MBP: variants seen among roughly 807,000 people sequenced by gnomAD.
MBP encodes the protein myelin basic protein, also known as Golli-MBP.
In MBP, 16 loss-of-function variants were observed where a neutral mutation model predicts 35.8. That is an observed-to-expected ratio of 0.45 (90% CI 0.30 to 0.68). The LOEUF is 0.68. MBP is among the 30% of genes least tolerant of loss of function. MBP has a pLI of 0.08. For missense variants in MBP, 380 were observed against 404.7 expected, an observed-to-expected ratio of 0.94 and a Z score of 0.52; for synonymous variants, 143 against 159.6, an observed-to-expected ratio of 0.90 and a Z score of 0.78.
intron 4 of MBP, among the ~76,000 whole-genome samples, chr18:77,008,258 C>T (rs926453892): frequency 2.0e-5 from 3 of 152,198 alleles, no homozygotes; most frequent in Non-Finnish European, 2.9e-5. Context: ...CCGGCAGGGT[C>T]GGTGCCTCCC....
At chr18:77,077,982 G>A (rs954943766) in intron 2 of MBP, among the ~76,000 whole-genome samples, 1 of 152,154 alleles carries the variant, frequency 6.6e-6, no homozygotes, top group African/African-American at 2.4e-5. Context: ...CCTCCCGAGA[G>A]CTGCACCCCC....
chr18:77,115,638 G>A (rs1215929474), intron 1 of MBP: 1 of 152,240 alleles, frequency 6.6e-6, no homozygotes, highest in Non-Finnish European at 1.5e-5. Context: ...ACCTTCACAT[G>A]GGTGTGCAGC....
intron 2 of MBP, among the ~76,000 whole-genome samples, chr18:77,085,569 T>C (rs1443127710): frequency 2.6e-5 from 4 of 152,218 alleles, no homozygotes; most frequent in African/African-American, 9.6e-5. Context: ...GTCACCATTA[T>C]GTTTTTACTG....
intron 4 of MBP, chr18:77,014,439 G>A (rs1599065470): frequency 1.0e-6 from 1 of 985,484 alleles, no homozygotes; most frequent in East Asian, 1.1e-4. Flanking sequence ...TGTGTGTGGG[G>A]CAGGCCGCCG....
intron 3 of MBP, among the ~76,000 whole-genome samples, chr18:77,033,348 T>A (rs1202459004): frequency 1.3e-5 from 2 of 152,200 alleles, no homozygotes; most frequent in African/African-American, 2.4e-5. Flanking sequence ...TAAGGCTTGG[T>A]TGCCTCATTT....
At chr18:77,028,660 T>C (rs78150296) in intron 3 of MBP, among the ~76,000 whole-genome samples, 5,780 of 48,626 alleles carry the variant, frequency 0.12, 1,730 homozygotes, top group East Asian at 0.6. Flanking sequence ...GGCAGCTGGC[T>C]GGGCAGAGGG....
At chr18:77,087,876 C>T (rs1975321565) in intron 2 of MBP, among the ~76,000 whole-genome samples, 2 of 152,084 alleles carry the variant, frequency 1.3e-5, no homozygotes, top group Non-Finnish European at 2.9e-5. Flanking sequence ...CTCCTGCTGC[C>T]TGGGAGGCCA....
At chr18:77,066,507 C>T (rs1974205497) in intron 2 of MBP, 122 bp from the exon 3 acceptor site, 1 of 796,972 alleles carries the variant, frequency 1.3e-6, no homozygotes, top group Non-Finnish European at 2.3e-6. Context: ...CATCTGTTTT[C>T]AAGATAGAAT....
At chr18:77,118,058 C>T (rs544513253) in intron 1 of MBP, among the ~76,000 whole-genome samples, 2 of 12,932 alleles carry the variant, frequency 1.5e-4, no homozygotes, top group Non-Finnish European at 1.4e-4. Flanking sequence ...TGGGTTGGGG[C>T]GGGATGGGGA....
At chr18:77,092,588 T>C (rs1171344961) in intron 2 of MBP, among the ~76,000 whole-genome samples, 2 of 152,082 alleles carry the variant, frequency 1.3e-5, no homozygotes, top group Non-Finnish European at 2.9e-5. Context: ...GCCGGTTTTG[T>C]GGCCTCTTTG....
chr18:77,051,628 G>C (rs1444519855), intron 3 of MBP, among the ~76,000 whole-genome samples: 1 of 152,174 alleles, frequency 6.6e-6, no homozygotes, highest in Non-Finnish European at 1.5e-5. Context: ...GAAGAGTTGA[G>C]GGTTCTTCCA....
At chr18:77,133,221 C>A (rs1210391913), upstream of MBP, among the ~76,000 whole-genome samples, 1 of 152,196 alleles carries the variant, frequency 6.6e-6, no homozygotes, top group Admixed American at 6.5e-5. Context: ...GGAGAGTCAG[C>A]CCGGCCTGGA....
chr18:77,070,896 C>A (rs1049363083), intron 2 of MBP, among the ~76,000 whole-genome samples: 1 of 152,196 alleles, frequency 6.6e-6, no homozygotes, highest in Non-Finnish European at 1.5e-5. Context: ...TTTTGAGGAC[C>A]CCGCTCAGGT....
Position 77,009,820 on chromosome 18 carries a change from C to T in MBP, c.576+7012G>A, listed in dbSNP as rs772990616. ...GGAAACGGCAGGTCACCCCTGGCCC[C>T]GATGGGTGAGGACCCGCCGGCGTCT... On this transcript the variant is annotated intron_variant, in intron 4 of 8. Coordinates refer to ENST00000355994, the MANE Select transcript of MBP (RefSeq NM_001025101.2). 20 of 1,550,054 alleles carry T rather than the reference C, an allele frequency of 1.3e-5. No individual in the cohort carries two copies. The East Asian group carries it at 1.9e-4, about 15-fold the overall frequency.
In MBP at chr18:77,102,704, A is replaced by C. The variant is rs1466212923; in HGVS notation, c.51+2507T>G. Among the ~76,000 whole-genome samples, 1 of 152,254 alleles carries C rather than the reference A, an allele frequency of 6.6e-6. No homozygotes were observed. The highest frequency in any genetic ancestry group is 1.5e-5 in the Non-Finnish European group (1 of 68,042). ...TGTGGGTGTTTTACAGCGTCAAACA[A>C]CAGGAAAGAAACTGTACACCACAGA... On this transcript the variant is annotated intron_variant, in intron 2 of 8. Coordinates refer to ENST00000355994, the MANE Select transcript of MBP (RefSeq NM_001025101.2). This position sits in a 1 kb window ranked among gnomAD's most constrained non-coding sequence, Gnocchi z 4.4.
At chr18:77,081,913 A>G (rs1017420636) in intron 2 of MBP, among the ~76,000 whole-genome samples, 75 of 150,230 alleles carry the variant, frequency 5.0e-4, no homozygotes, top group South Asian at 8.4e-4. Context: ...GTGCAGTGGC[A>G]TGATCTTGGC....
At chr18:77,041,465 A>G (rs1175597404) in intron 3 of MBP, among the ~76,000 whole-genome samples, 1 of 152,228 alleles carries the variant, frequency 6.6e-6, no homozygotes. Context: ...GCTGCTATAA[A>G]GACACATGCA....
Position 76,988,325 on chromosome 18 carries a change from A to G in MBP, c.750+170T>C. On this transcript the variant is annotated intron_variant, in intron 7 of 8. Transcript: ENST00000355994. This position sits in a 1 kb window ranked among gnomAD's most constrained non-coding sequence, Gnocchi z 5.2. ...CTTCCGGAAGGGAAGACCACGTTTCATTTCCCCAGTGGAAGACAAGGCGGC... is the reference window on the plus strand; with the variant it reads ...CTTCCGGAAGGGAAGACCACGTTTCGTTTCCCCAGTGGAAGACAAGGCGGC... 1.9e-6 allele frequency: 3 copies of G among 1,585,150 alleles called. No homozygotes were observed. The South Asian group carries it at 3.4e-5, about 18-fold the overall frequency.
At chr18:77,090,063 C>T (rs990245577) in intron 2 of MBP, among the ~76,000 whole-genome samples, 2 of 152,170 alleles carry the variant, frequency 1.3e-5, no homozygotes, top group Non-Finnish European at 2.9e-5. Context: ...CAGCGGCCTT[C>T]TGTGCAGTGT....
Sources: allele counts gnomAD v4.1 joint callset (sites outside exome capture counted in the v4.1 genomes callset), GRCh38; gene constraint gnomAD v4.1.1; non-coding constraint Gnocchi (gnomAD v3.1); transcripts MANE v1.5; gene names NCBI Gene and HGNC (gene_info 2026-07-23, HGNC 2026-07-21).